The following ABR variants were observed in gnomAD, a reference collection of about 807,000 sequenced individuals.
ABR encodes active breakpoint cluster region-related protein.
A neutral mutation model predicts 107.2 loss-of-function variants in ABR; 35 were observed. That is an observed-to-expected ratio of 0.33 (90% CI 0.25 to 0.43). ABR has a LOEUF of 0.43. Ranked by LOEUF, ABR falls within the 20% of genes least tolerant of loss-of-function variation. The probability of loss-of-function intolerance (pLI) is 1.00; values close to 1 mark genes in which losing one functional copy is unlikely to be tolerated. For missense variants in ABR, 815 were observed against 1,115.2 expected, an observed-to-expected ratio of 0.73 and a Z score of 3.83; for synonymous variants, 498 against 462.0, an observed-to-expected ratio of 1.08 and a Z score of -1.00.
At chr17:1,136,667 C>G (rs969396380) in intron 1 of ABR, among the ~76,000 whole-genome samples, 1 of 152,216 alleles carries the variant, frequency 6.6e-6, no homozygotes, top group Non-Finnish European at 1.5e-5. Flanking sequence ...TTTCCTGACC[C>G]CTCATGAACA....
chr17:1,165,670 T>G (rs2041474643), intron 1 of ABR, among the ~76,000 whole-genome samples: 1 of 152,210 alleles, frequency 6.6e-6, no homozygotes, highest in African/African-American at 2.4e-5. Context: ...TAGCTGGGAT[T>G]ACAGGCATCC....
At chr17:1,134,050 C>T (rs1486249164) in intron 1 of ABR, among the ~76,000 whole-genome samples, 4 of 152,138 alleles carry the variant, frequency 2.6e-5, no homozygotes, top group Non-Finnish European at 5.9e-5. Context: ...GAGGCCAAGG[C>T]GGGCAGATCA....
rs2070659912 is a variant in ABR at position 1,012,283 on chromosome 17, A to T, written c.1962-298T>A. On this transcript the variant is annotated intron_variant, in intron 18 of 22. Transcript: ENST00000302538. ...AGATTCAGATGCTTGTAGGAGGCCC[A>T]GCAGGCAGCCCACATGAGGAGGTGG... 5 of 644,592 alleles carry T rather than the reference A, an allele frequency of 7.8e-6. No homozygotes were observed. The East Asian group carries it at 1.6e-4, about 20-fold the overall frequency. The allele number at this position is 644,592 out of a possible 1,614,324, so 39.9% of individuals were successfully genotyped here.
chr17:1,030,209 C>T (rs1031642574), intron 16 of ABR, among the ~76,000 whole-genome samples: 2 of 152,270 alleles, frequency 1.3e-5, no homozygotes, highest in Non-Finnish European at 2.9e-5. Flanking sequence ...AGGGAAAGAA[C>T]TGAAAGTCTG....
At position 1,228,502 on chromosome 17, in the gene ABR, G is replaced by A. The variant is rs376312456; in HGVS notation, c.838+291C>T. ...GGGGCCAGGCCGGAGGGAGGGGCTG[G>A]GGGATGTCAGGGCCACGGAGCGCAA... is the stretch of plus-strand genomic sequence containing the variant. On this transcript the variant is annotated intron_variant, in intron 1 of 22. Transcript: ENST00000574139. Among the ~76,000 whole-genome samples the A allele has an allele frequency of 1.0e-3, 153 of 152,316 alleles. 6 individuals carry two copies. The highest frequency in any genetic ancestry group is 3.4e-3 in the African/African-American group (141 of 41,582).
intron 2 of ABR, among the ~76,000 whole-genome samples, chr17:1,120,049 C>G (rs543210513): frequency 6.6e-6 from 1 of 152,194 alleles, no homozygotes; most frequent in Admixed American, 6.5e-5. Context: ...AGTGAACTAC[C>G]ATGCCCAGCT....
At chr17:1,041,616 C>T (rs1344106222) in intron 16 of ABR, among the ~76,000 whole-genome samples, 1 of 152,128 alleles carries the variant, frequency 6.6e-6, no homozygotes, top group Non-Finnish European at 1.5e-5. Context: ...GCCTTTAATC[C>T]CAGCTAACCA....
intron 3 of ABR, among the ~76,000 whole-genome samples, chr17:1,094,431 T>C (rs2037263424): frequency 6.6e-6 from 1 of 150,748 alleles, no homozygotes; most frequent in Non-Finnish European, 1.5e-5. Flanking sequence ...AGTGCAATAG[T>C]GCAATCTCGG....
intron 9 of ABR, among the ~76,000 whole-genome samples, chr17:1,069,257 G>C (rs1168379046): frequency 1.3e-5 from 2 of 152,258 alleles, no homozygotes; most frequent in Admixed American, 1.3e-4. Flanking sequence ...ATGCTTCAGT[G>C]GGGGACGGGG....
In ABR at chr17:1,010,524, G is replaced by C; in HGVS notation, c.2236+205C>G. ...GCCCATGGGGACATCAGGGGCAAGA[G>C]GCAGGCGAGAAAGGGCCCAGTGTCT... On this transcript the variant is annotated intron_variant, in intron 20 of 22. Coordinates refer to ENST00000302538, the MANE Select transcript of ABR (RefSeq NM_021962.5). This position sits in a 1 kb window ranked among gnomAD's most constrained non-coding sequence, Gnocchi z 4.1. The C allele has an allele frequency of 1.6e-6, 1 of 637,956 alleles. No homozygotes were observed. Among genetic ancestry groups the C allele is most frequent in the South Asian group, 2.0e-5 (1 of 49,994 alleles). The allele number at this position is 637,956 out of a possible 1,614,324, so 39.5% of individuals were successfully genotyped here. A position where few individuals can be genotyped will look rare whatever the true frequency, so the allele number is the denominator to read the frequency against.
rs2069836407 is a variant in ABR at position 1,003,908 on chromosome 17, T to C, written c.*2172A>G. On this transcript the variant is annotated 3_prime_UTR_variant, in exon 23 of 23. Coordinates refer to ENST00000302538, the MANE Select transcript of ABR (RefSeq NM_021962.5). ...GCTCACAGGAGACCCTGCTGGGTGT[T>C]TCCTTGGTGCAGTTTAGTCCAGGTC... 2 of 152,324 alleles carry C rather than the reference T, an allele frequency of 1.3e-5. No homozygotes were observed. The highest frequency in any genetic ancestry group is 4.8e-5 in the African/African-American group (2 of 41,462). The allele number at this position is 152,324 out of a possible 1,614,324, so 9.4% of individuals were successfully genotyped here.
Position 1,010,989 on chromosome 17 carries a change from A to G in ABR, c.2102-126T>C. 1 of 1,298,466 alleles carries G rather than the reference A, an allele frequency of 7.7e-7. No homozygotes were observed. The highest frequency in any genetic ancestry group is 1.1e-6 in the Non-Finnish European group (1 of 931,746). The allele number at this position is 1,298,466 out of a possible 1,614,324, so 80.4% of individuals were successfully genotyped here. On this transcript the variant is annotated intron_variant, in intron 19 of 22. Coordinates refer to ENST00000302538, the MANE Select transcript of ABR (RefSeq NM_021962.5). The surrounding 1 kb of genome is among the most constrained non-coding windows in gnomAD (Gnocchi z 4.1). ...TTCTGGTCTCCCCTGGAAGAGCAGG[A>G]TGTAGAGAGGGCCCACAGGTGTCTG...
intron 3 of ABR, among the ~76,000 whole-genome samples, chr17:1,095,800 G>T (rs1243553702): frequency 6.6e-6 from 1 of 152,222 alleles, no homozygotes. Flanking sequence ...ATAAGGGAAA[G>T]AAATGTACCC....
intron 2 of ABR, among the ~76,000 whole-genome samples, chr17:1,107,836 G>A (rs1409973708): frequency 2.6e-5 from 4 of 152,224 alleles, no homozygotes; most frequent in African/African-American, 7.2e-5. Context: ...ACCCAGGCCT[G>A]CAGCCACCGC....
intron 10 of ABR, among the ~76,000 whole-genome samples, chr17:1,060,435 C>T (rs1464880832): frequency 2.6e-5 from 4 of 151,986 alleles, no homozygotes; most frequent in African/African-American, 4.8e-5. Context: ...GAATCTGATA[C>T]ATCCAAAGGG....
chr17:1,172,824 G>A (rs908588771), intron 1 of ABR, among the ~76,000 whole-genome samples: 1 of 151,964 alleles, frequency 6.6e-6, no homozygotes, highest in Non-Finnish European at 1.5e-5. Flanking sequence ...GACAAGCCAA[G>A]GTCACATGTC....
Position 1,078,978 on chromosome 17 carries a change from G to GCAGCC in ABR, c.700+347_700+351dup. 6.8e-7 allele frequency: 1 copy of GCAGCC among 1,479,604 alleles called. No individual in the cohort carries two copies. Among genetic ancestry groups the GCAGCC allele is most frequent in the South Asian group, 1.3e-5 (1 of 78,602 alleles). The allele number at this position is 1,479,604 out of a possible 1,614,324, so 91.7% of individuals were successfully genotyped here. A position where few individuals can be genotyped will look rare whatever the true frequency, so the allele number is the denominator to read the frequency against. ...GCTGCCGCACGGACTCCAGCATCGG[G>GCAGCC]CAGCCGCTCCGGAGTGCTCTTCCAG... On this transcript the variant is annotated intron_variant, in intron 6 of 22. Coordinates refer to ENST00000302538, the MANE Select transcript of ABR (RefSeq NM_021962.5). This position sits in a 1 kb window ranked among gnomAD's most constrained non-coding sequence, Gnocchi z 7.5.
At chr17:1,168,234 A>G (rs2041588258) in intron 1 of ABR, among the ~76,000 whole-genome samples, 1 of 152,162 alleles carries the variant, frequency 6.6e-6, no homozygotes, top group Non-Finnish European at 1.5e-5. Context: ...TGCAGTGAGC[A>G]CTGCAGAGGT....
chr17:1,139,752 T>C (rs2440766), intron 1 of ABR, among the ~76,000 whole-genome samples: 24,424 of 152,120 alleles, frequency 0.16, 2,330 homozygotes, highest in African/African-American at 0.27. Flanking sequence ...GTCATCCAAC[T>C]CCACAACCTT....
Sources: allele counts gnomAD v4.1 joint callset (sites outside exome capture counted in the v4.1 genomes callset), GRCh38; gene constraint gnomAD v4.1.1; non-coding constraint Gnocchi (gnomAD v3.1); transcripts MANE v1.5; gene names NCBI Gene and HGNC (gene_info 2026-07-23, HGNC 2026-07-21).